SLC41A2: variants seen among roughly 807,000 people sequenced by gnomAD.
SLC41A2 encodes the protein solute carrier family 41 member 2.
SLC41A2 carries 32 observed loss-of-function variants against 58.3 expected under a neutral mutation model. That is an observed-to-expected ratio of 0.55 (90% CI 0.41 to 0.74). The LOEUF (loss-of-function observed/expected upper bound fraction) is 0.74. Among genes scored for constraint, SLC41A2 ranks in the 30% least tolerant of loss-of-function variants. The pLI is 0.00. For synonymous variants in SLC41A2, 190 were observed against 235.0 expected (o/e 0.81, Z 1.75); for missense variants, 514 against 680.6 (o/e 0.76, Z 2.72).
intron 2 of SLC41A2, among the ~76,000 whole-genome samples, chr12:104,925,399 A>G (rs1374294280): frequency 6.6e-6 from 1 of 152,076 alleles, no homozygotes; most frequent in Non-Finnish European, 1.5e-5. Context: ...TCTACTAAAA[A>G]TACAAAAAAT....
intron 4 of SLC41A2, among the ~76,000 whole-genome samples, chr12:104,891,983 A>G (rs910969586): frequency 6.6e-6 from 1 of 152,146 alleles, no homozygotes; most frequent in African/African-American, 2.4e-5. Flanking sequence ...ATAACCAAAG[A>G]CATGAAAGAT....
intron 10 of SLC41A2, among the ~76,000 whole-genome samples, chr12:104,821,069 T>C (rs539571593): frequency 2.6e-5 from 4 of 152,372 alleles, no homozygotes; most frequent in African/African-American, 9.6e-5. Flanking sequence ...GAACAATGTG[T>C]ACAGTTTCTG....
chr12:104,852,545 A>C (rs1019574879), intron 8 of SLC41A2, among the ~76,000 whole-genome samples: 1 of 152,220 alleles, frequency 6.6e-6, no homozygotes, highest in African/African-American at 2.4e-5. Flanking sequence ...AGACTAAGAT[A>C]ATGATAATAA....
intron 1 of SLC41A2, among the ~76,000 whole-genome samples, chr12:104,935,006 G>A (rs2047205368): frequency 6.6e-6 from 1 of 152,160 alleles, no homozygotes; most frequent in South Asian, 2.1e-4. Context: ...TGCCCAAGCT[G>A]CAGTGCAATG....
chr12:104,853,926 T>TTTTTTTTTA lies in SLC41A2; in HGVS notation c.1255+7364_1255+7365insTAAAAAAAA, dbSNP rs1565842748. Among the ~76,000 whole-genome samples the TTTTTTTTTA allele has an allele frequency of 1.4e-3, 171 of 118,916 alleles. 1 individual carries two copies. Among genetic ancestry groups the TTTTTTTTTA allele is most frequent in the Middle Eastern group, 8.1e-3 (2 of 246 alleles). The allele number at this position is 118,916 out of a possible 152,430, so 78.0% of individuals were successfully genotyped here. A position where few individuals can be genotyped will look rare whatever the true frequency, so the allele number is the denominator to read the frequency against. On this transcript the variant is annotated intron_variant, in intron 8 of 10. Coordinates refer to ENST00000258538, the MANE Select transcript of SLC41A2 (RefSeq NM_001352171.3). Reference sequence around the variant, plus strand: ...TGCCTGGCTGATTTTTTTTTTTTTTTTTTTTTTTTTTTTAGTAGAACTGAG... The same window carrying TTTTTTTTTA: ...TGCCTGGCTGATTTTTTTTTTTTTTTTTTTTTTTATTTTTTTTTTTTTAGTAGAACTGAG...
At chr12:104,852,223 TA>T (rs2042828442) in intron 8 of SLC41A2, among the ~76,000 whole-genome samples, 1 of 152,222 alleles carries the variant, frequency 6.6e-6, no homozygotes, top group Non-Finnish European at 1.5e-5. Context: ...AGCAGAAGAT[TA>T]CATTCAGATA....
intron 10 of SLC41A2, among the ~76,000 whole-genome samples, chr12:104,825,319 G>A (rs951873994): frequency 3.3e-5 from 5 of 152,162 alleles, no homozygotes; most frequent in African/African-American, 1.2e-4. Context: ...AGTCACAAGG[G>A]GGGCAGGAGA....
chr12:104,921,798 T>A (rs1000403758), intron 2 of SLC41A2, among the ~76,000 whole-genome samples: 1 of 152,124 alleles, frequency 6.6e-6, no homozygotes, highest in African/African-American at 2.4e-5. Flanking sequence ...TCAAAAACAA[T>A]AATAGCTACA....
intron 8 of SLC41A2, among the ~76,000 whole-genome samples, chr12:104,849,551 A>C (rs774503338): frequency 2.6e-5 from 4 of 152,190 alleles, no homozygotes; most frequent in Non-Finnish European, 5.9e-5. Context: ...GTTGAGGCCA[A>C]GTGCAGTGGC....
At chr12:104,887,378 A>G (rs2044722009) in intron 5 of SLC41A2, among the ~76,000 whole-genome samples, 1 of 151,898 alleles carries the variant, frequency 6.6e-6, no homozygotes, top group Non-Finnish European at 1.5e-5. Flanking sequence ...ATTCTTGCCT[A>G]AAGTCACATA....
chr12:104,811,578 CAT>C (rs2041176181), intron 10 of SLC41A2, among the ~76,000 whole-genome samples: 1 of 152,076 alleles, frequency 6.6e-6, no homozygotes, highest in African/African-American at 2.4e-5. Flanking sequence ...AGTTACCAAC[CAT>C]ATATATGATG....
intron 10 of SLC41A2, among the ~76,000 whole-genome samples, chr12:104,833,134 G>A (rs1200417359): frequency 2.0e-5 from 3 of 152,166 alleles, no homozygotes; most frequent in Admixed American, 6.5e-5. Context: ...GAATAAATAA[G>A]TTTCTACACT....
chr12:104,833,095 C>T (rs1250171924), intron 10 of SLC41A2, among the ~76,000 whole-genome samples: 1 of 152,160 alleles, frequency 6.6e-6, no homozygotes, highest in East Asian at 1.9e-4. Flanking sequence ...AATTATTTCT[C>T]CTGAGTGAAG....
chr12:104,893,155 GA>G (rs796631220), intron 4 of SLC41A2, among the ~76,000 whole-genome samples: 4 of 151,696 alleles, frequency 2.6e-5, no homozygotes, highest in South Asian at 2.1e-4. Context: ...AAATCTATAG[GA>G]AAAAAAATCC....
At chr12:104,822,987 T>C (rs564397516) in intron 10 of SLC41A2, among the ~76,000 whole-genome samples, 5 of 151,534 alleles carry the variant, frequency 3.3e-5, no homozygotes, top group South Asian at 4.2e-4. Flanking sequence ...CATGGGAGAG[T>C]CTAAAGTCAT....
At chr12:104,828,239 G>A (rs1256861653) in intron 10 of SLC41A2, among the ~76,000 whole-genome samples, 1 of 152,178 alleles carries the variant, frequency 6.6e-6, no homozygotes, top group Non-Finnish European at 1.5e-5. Flanking sequence ...TTTGGCTGGG[G>A]CACTTGGAGG....
At chr12:104,920,100 C>A (rs771160449) in intron 2 of SLC41A2, among the ~76,000 whole-genome samples, 1 of 152,306 alleles carries the variant, frequency 6.6e-6, no homozygotes, top group South Asian at 2.1e-4. Context: ...TGCTTTGGCA[C>A]CTCTGTCAAA....
intron 10 of SLC41A2, among the ~76,000 whole-genome samples, chr12:104,835,632 A>G (rs2042183253): frequency 6.6e-6 from 1 of 152,166 alleles, no homozygotes; most frequent in Non-Finnish European, 1.5e-5. Context: ...TTCTCTCAGA[A>G]CATTCAGGAG....
At chr12:104,869,708 C>A (rs1428264384) in intron 6 of SLC41A2, among the ~76,000 whole-genome samples, 1 of 152,084 alleles carries the variant, frequency 6.6e-6, no homozygotes, top group African/African-American at 2.4e-5. Flanking sequence ...TTATTCCTGG[C>A]TAACTTCTAA....
Sources: allele counts gnomAD v4.1 joint callset (sites outside exome capture counted in the v4.1 genomes callset), GRCh38; gene constraint gnomAD v4.1.1; transcripts MANE v1.5; gene names NCBI Gene and HGNC (gene_info 2026-07-23, HGNC 2026-07-21).